Variants in RAC2 observed in about 807,000 individuals in gnomAD.
The protein encoded by RAC2 is Rac family small GTPase 2.
Under a neutral mutation model 24.0 loss-of-function variants are expected in RAC2, and 1 was observed. That is an observed-to-expected ratio of 0.04 (90% CI 0.01 to 0.20). The LOEUF (loss-of-function observed/expected upper bound fraction) is 0.20. Among genes scored for constraint, RAC2 ranks in the 10% least tolerant of loss-of-function variants. The pLI, the probability that RAC2 is intolerant of heterozygous loss-of-function variation, is 1.00. For missense variants in RAC2, 130 were observed against 259.1 expected, an observed-to-expected ratio of 0.50 and a Z score of 3.42; for synonymous variants, 114 against 106.8, an observed-to-expected ratio of 1.07 and a Z score of -0.41.
At chr22:37,227,951 G>A (rs1283494929) in intron 5 of RAC2, among the ~76,000 whole-genome samples, 1 of 152,130 alleles carries the variant, frequency 6.6e-6, no homozygotes, top group Non-Finnish European at 1.5e-5. Context: ...TTTCTGTGAA[G>A]GAAAGGGCTC....
rs949087459 is a variant in RAC2 at position 37,231,429 on chromosome 22, C to A, written c.289-39G>T. 2 of 1,600,844 alleles carry A rather than the reference C, an allele frequency of 1.2e-6. No homozygotes were observed. Among genetic ancestry groups the A allele is most frequent in the Non-Finnish European group, 1.7e-6 (2 of 1,170,024 alleles). ...TGGGGGGACACAAGGTTGTATGGGT[C>A]AAGAGGGGGCGCGAGGCTGTGCGGG... is the stretch of plus-strand genomic sequence containing the variant. On this transcript the variant is annotated intron_variant, in intron 4 of 6. Transcript: ENST00000249071. The surrounding 1 kb of genome is among the most constrained non-coding windows in gnomAD (Gnocchi z 5.5).
chr22:37,232,839 C>T lies in RAC2; in HGVS notation c.187G>A (p.Asp63Asn), dbSNP rs1927110250. ...GAGAGCGGCCGGAGACGGTCGTAGT[C>T]CTCCTGCCCAGCAGTGTCCCACAGC... ...LGLWDTAGQE[D>N]YDRLRPLSYP... Residue 63 changes from aspartate to asparagine, a missense_variant, in exon 3 of 7, where the codon GAC (aspartate) becomes AAC (asparagine). Coordinates refer to ENST00000249071, the MANE Select transcript of RAC2 (RefSeq NM_002872.5). The T allele has an allele frequency of 1.2e-6, 2 of 1,614,064 alleles. No individual in the cohort carries two copies. Among genetic ancestry groups the T allele is most frequent in the Non-Finnish European group, 1.7e-6 (2 of 1,180,012 alleles).
At chr22:37,228,981 C>A (rs1317357672) in intron 5 of RAC2, among the ~76,000 whole-genome samples, 1 of 152,184 alleles carries the variant, frequency 6.6e-6, no homozygotes, top group Non-Finnish European at 1.5e-5. Flanking sequence ...AGTCTGGTCA[C>A]CACAGCCCCC....
intron 3 of RAC2, chr22:37,232,343 G>A (rs1332366549): frequency 2.2e-6 from 1 of 450,872 alleles, no homozygotes; most frequent in Non-Finnish European, 4.1e-6. Flanking sequence ...TGGGATTCTA[G>A]AGTCCATACT....
At chr22:37,232,459 T>A in intron 3 of RAC2, 1 of 441,208 alleles carries the variant, frequency 2.3e-6, no homozygotes, top group South Asian at 2.1e-5. Context: ...ATCCTCCACC[T>A]CTCCCCTCCC....
intron 3 of RAC2, chr22:37,232,355 C>T (rs1365755459): frequency 9.1e-6 from 4 of 441,174 alleles, no homozygotes; most frequent in African/African-American, 2.0e-5. Context: ...GTCCATACTC[C>T]AATCCATATA....
intron 2 of RAC2, among the ~76,000 whole-genome samples, chr22:37,239,968 A>G (rs1275253910): frequency 6.6e-6 from 1 of 152,198 alleles, no homozygotes; most frequent in Non-Finnish European, 1.5e-5. Context: ...ACAGGACCAG[A>G]GAGGGGCACT....
intron 1 of RAC2, among the ~76,000 whole-genome samples, chr22:37,242,104 T>C (rs1927416189): frequency 6.6e-6 from 1 of 151,996 alleles, no homozygotes; most frequent in African/African-American, 2.4e-5. Context: ...ATCTAGAAAA[T>C]AGAGATGAGC....
At chr22:37,241,460 C>G in intron 2 of RAC2, 127 bp downstream of exon 2, 1 of 1,030,274 alleles carries the variant, frequency 9.7e-7, no homozygotes, top group South Asian at 1.3e-5. Flanking sequence ...TGTCAGGCAG[C>G]TCCACTGGGC....
In RAC2 at chr22:37,231,956, G is replaced by C. The variant is rs774727606; in HGVS notation, c.264C>G (p.Ala88=). 2 of 1,552,480 alleles carry C rather than the reference G, an allele frequency of 1.3e-6. No individual in the cohort carries two copies. The highest frequency in any genetic ancestry group is 1.2e-5 in the South Asian group (1 of 84,078). ...CCTTGGCGCGGACGTTCTCATAAGAGGCTGGGCTGACGAGGGAGAAGCAGA... is the reference window on the plus strand; with the variant it reads ...CCTTGGCGCGGACGTTCTCATAAGACGCTGGGCTGACGAGGGAGAAGCAGA... The part of the protein sequence containing the change: ...FLICFSLVSP[A]SYENVRAKWF... Residue 88 remains alanine, a synonymous_variant, in exon 4 of 7, where the codon GCC becomes GCG. Transcript: ENST00000249071. This position sits in a 1 kb window ranked among gnomAD's most constrained non-coding sequence, Gnocchi z 5.5.
intron 6 of RAC2, 145 bp downstream of exon 6, chr22:37,226,526 C>T: frequency 1.8e-6 from 2 of 1,084,316 alleles, no homozygotes; most frequent in Non-Finnish European, 2.6e-6. Context: ...AGGCAGATGA[C>T]AAGTAGGCTG....
At chr22:37,241,299 G>T in intron 2 of RAC2, 1 of 660,482 alleles carries the variant, frequency 1.5e-6, no homozygotes, top group South Asian at 1.7e-5. Context: ...TCCTGCTCTT[G>T]CCTGAGCCAG....
chr22:37,242,729 CAG>C (rs968505531), intron 1 of RAC2, among the ~76,000 whole-genome samples: 3 of 152,222 alleles, frequency 2.0e-5, no homozygotes, highest in African/African-American at 7.2e-5. Flanking sequence ...CAGGCGAGGG[CAG>C]ATAAGGAGCC....
Position 37,230,204 on chromosome 22 carries a change from C to T in RAC2, c.448+1027G>A, listed in dbSNP as rs576736123. Among the ~76,000 whole-genome samples the T allele has an allele frequency of 1.1e-4, 15 of 140,646 alleles. No homozygotes were observed. The East Asian group carries it at 1.6e-3, about 15-fold the overall frequency. The allele number at this position is 140,646 out of a possible 152,430, so 92.3% of individuals were successfully genotyped here. ...CACAGAAGGAGGGAGGTGGTGGCTG[C>T]GGTTTCTCTTCCTGTGAAGAGATGT... On this transcript the variant is annotated intron_variant, in intron 5 of 6. Coordinates refer to ENST00000249071, the MANE Select transcript of RAC2 (RefSeq NM_002872.5).
In RAC2 at chr22:37,231,259, C is replaced by T. The variant is rs539660525; in HGVS notation, c.420G>A (p.Pro140=). 9.3e-6 allele frequency: 15 copies of T among 1,613,576 alleles called. No homozygotes were observed. Among genetic ancestry groups the T allele is most frequent in the African/African-American group, 6.7e-5 (5 of 74,860 alleles). The change falls in exon 5 of 7, where the codon CCG becomes CCA. Residue 140 remains proline (P), a synonymous_variant. Transcript: ENST00000249071. The surrounding 1 kb of genome is among the most constrained non-coding windows in gnomAD (Gnocchi z 5.5). ...TCTCCTTGGCCAGTGCCAGGCCCTG[C>T]GGGTAGGTGATGGGAGCCAGCTTCT... ...KEKKLAPITY[P]QGLALAKEID...
At chr22:37,240,054 C>T (rs556951056) in intron 2 of RAC2, among the ~76,000 whole-genome samples, 1 of 152,336 alleles carries the variant, frequency 6.6e-6, no homozygotes, top group African/African-American at 2.4e-5. Context: ...CCTCTCCTGG[C>T]TGCCTGCCTT....
chr22:37,243,908 TG>T, intron 1 of RAC2, among the ~76,000 whole-genome samples: 1 of 151,306 alleles, frequency 6.6e-6, no homozygotes, highest in Non-Finnish European at 1.5e-5. Context: ...GCTTCTGGGG[TG>T]GGGTGGGGCT....
intron 5 of RAC2, among the ~76,000 whole-genome samples, chr22:37,229,628 T>G (rs1569088823): frequency 6.6e-6 from 1 of 152,004 alleles, no homozygotes; most frequent in African/African-American, 2.4e-5. Context: ...TCCCTGCCAG[T>G]CCCCCCAGGA....
intron 1 of RAC2, among the ~76,000 whole-genome samples, chr22:37,242,342 A>C (rs1275767253): frequency 6.6e-6 from 1 of 152,150 alleles, no homozygotes. Flanking sequence ...GCTTCCCTGA[A>C]CTTTCATTTT....
Sources: allele counts gnomAD v4.1 joint callset (sites outside exome capture counted in the v4.1 genomes callset), GRCh38; gene constraint gnomAD v4.1.1; non-coding constraint Gnocchi (gnomAD v3.1); transcripts MANE v1.5; gene names NCBI Gene and HGNC (gene_info 2026-07-23, HGNC 2026-07-21).